Variants in FHIT observed in about 807,000 individuals in gnomAD.
FHIT encodes fragile histidine triad diadenosine triphosphatase.
In FHIT, 19 loss-of-function variants were observed where a neutral mutation model predicts 17.9. That is an observed-to-expected ratio of 1.06 (90% confidence interval 0.74 to 1.56). The LOEUF is 1.56. FHIT is among the 40% of genes most tolerant of loss of function. The probability of loss-of-function intolerance (pLI) is 0.00; values close to 1 mark genes in which losing one functional copy is unlikely to be tolerated. For missense variants in FHIT, 248 were observed against 189.2 expected (o/e 1.31, Z -1.82); for synonymous variants, 81 against 69.7 (o/e 1.16, Z -0.81).
At chr3:60,415,191 A>G (rs1230456685) in intron 5 of FHIT, among the ~76,000 whole-genome samples, 1 of 152,182 alleles carries the variant, frequency 6.6e-6, no homozygotes, top group Non-Finnish European at 1.5e-5. Context: ...TTTGATAGAG[A>G]TAATTGAAGT....
chr3:60,454,652 G>A (rs1576682739), intron 5 of FHIT, among the ~76,000 whole-genome samples: 1 of 152,030 alleles, frequency 6.6e-6, no homozygotes, highest in African/African-American at 2.4e-5. Flanking sequence ...TCAAAGTGCT[G>A]GGATTATAGG....
At chr3:60,045,818 A>T (rs1244660755) in intron 5 of FHIT, among the ~76,000 whole-genome samples, 1 of 152,152 alleles carries the variant, frequency 6.6e-6, no homozygotes, top group Non-Finnish European at 1.5e-5. Flanking sequence ...ACTGAAATGG[A>T]GAATGGATAA....
chr3:59,806,564 C>T (rs1700204371), intron 8 of FHIT, among the ~76,000 whole-genome samples: 1 of 151,964 alleles, frequency 6.6e-6, no homozygotes, highest in African/African-American at 2.4e-5. Context: ...TCCTACCATC[C>T]ACAGTCATTG....
chr3:60,591,041 C>G (rs1450508127), intron 4 of FHIT, among the ~76,000 whole-genome samples: 1 of 152,078 alleles, frequency 6.6e-6, no homozygotes, highest in Non-Finnish European at 1.5e-5. Flanking sequence ...AGTACCGTTT[C>G]TACCTGAAAT....
At chr3:60,397,888 C>G (rs866356925) in intron 5 of FHIT, among the ~76,000 whole-genome samples, 1 of 152,090 alleles carries the variant, frequency 6.6e-6, no homozygotes, top group South Asian at 2.1e-4. Flanking sequence ...CTTTGAGTAG[C>G]GTCTTTGCTT....
intron 5 of FHIT, among the ~76,000 whole-genome samples, chr3:60,399,502 T>G (rs905728705): frequency 5.3e-5 from 8 of 152,156 alleles, no homozygotes; most frequent in African/African-American, 1.9e-4. Flanking sequence ...CACACTCTAT[T>G]TTGGACTGCT....
intron 5 of FHIT, among the ~76,000 whole-genome samples, chr3:60,336,050 G>T (rs115234866): frequency 2.6e-5 from 4 of 152,266 alleles, no homozygotes; most frequent in African/African-American, 9.6e-5. Context: ...GCCTGTACAA[G>T]CAAGAAGCTG....
At chr3:60,713,909 G>C (rs868916847) in intron 4 of FHIT, among the ~76,000 whole-genome samples, 1 of 151,570 alleles carries the variant, frequency 6.6e-6, no homozygotes, top group East Asian at 2.0e-4. Context: ...TAGAAAAAGA[G>C]GGAATCCTCC....
chr3:60,165,361 C>A (rs1394200911), intron 5 of FHIT, among the ~76,000 whole-genome samples: 3 of 152,146 alleles, frequency 2.0e-5, no homozygotes, highest in Admixed American at 6.5e-5. Context: ...GCCTTCAGCG[C>A]AACTGTCATT....
At chr3:60,276,163 T>C (rs1707123090) in intron 5 of FHIT, among the ~76,000 whole-genome samples, 1 of 152,034 alleles carries the variant, frequency 6.6e-6, no homozygotes, top group South Asian at 2.1e-4. Context: ...ATTTTTTGTG[T>C]ATTTAGTAGA....
chr3:60,548,746 G>A (rs1456995513), intron 4 of FHIT, among the ~76,000 whole-genome samples: 1 of 152,182 alleles, frequency 6.6e-6, no homozygotes, highest in African/African-American at 2.4e-5. Context: ...CAGCTAGGCT[G>A]TTTGTACATT....
chr3:61,052,833 T>G (rs980538515), intron 2 of FHIT, among the ~76,000 whole-genome samples: 2 of 150,804 alleles, frequency 1.3e-5, no homozygotes, highest in Middle Eastern at 3.4e-3. Context: ...GTAATTCTTT[T>G]AGATGTTAAT....
At chr3:61,204,826 A>T (rs964290806) in intron 1 of FHIT, among the ~76,000 whole-genome samples, 7 of 152,062 alleles carry the variant, frequency 4.6e-5, no homozygotes, top group Non-Finnish European at 1.0e-4. Context: ...TTTTTTTAAA[A>T]TTTTATTATT....
At chr3:60,062,374 C>T (rs192682006) in intron 5 of FHIT, among the ~76,000 whole-genome samples, 11 of 152,234 alleles carry the variant, frequency 7.2e-5, no homozygotes, top group South Asian at 2.1e-4. Context: ...GAGTAACTGT[C>T]GTAACACTCT....
chr3:60,644,795 C>A (rs1553686302), intron 4 of FHIT, among the ~76,000 whole-genome samples: 1 of 152,162 alleles, frequency 6.6e-6, no homozygotes, highest in African/African-American at 2.4e-5. Flanking sequence ...CCCTTCTCAG[C>A]TTGGCCCTGC....
chr3:60,928,723 A>C (rs7645256), intron 3 of FHIT, among the ~76,000 whole-genome samples: 5,432 of 152,246 alleles, frequency 0.036, 319 homozygotes, highest in African/African-American at 0.12. Context: ...GGCAACAATT[A>C]ATAGCTTACC....
chr3:59,749,993 C>G, intron 9 of FHIT: 1 of 223,146 alleles, frequency 4.5e-6, no homozygotes. Context: ...GTGCACAAAA[C>G]CTTTAAAGAG....
chr3:60,126,508 A>G (rs1199973935), intron 5 of FHIT, among the ~76,000 whole-genome samples: 1 of 152,182 alleles, frequency 6.6e-6, no homozygotes, highest in African/African-American at 2.4e-5. Flanking sequence ...CGTTTATTGG[A>G]CACATATCCC....
intron 3 of FHIT, among the ~76,000 whole-genome samples, chr3:60,987,667 C>T (rs1235153634): frequency 6.6e-6 from 1 of 152,188 alleles, no homozygotes; most frequent in Non-Finnish European, 1.5e-5. Context: ...TCCTCTAGCA[C>T]TGCTGGGTTA....
Sources: gnomAD v4.1 joint callset for allele counts (sites outside exome capture counted in the v4.1 genomes callset) on GRCh38, gnomAD v4.1.1 for gene constraint, MANE v1.5 for transcripts, NCBI Gene and HGNC (gene_info 2026-07-23, HGNC 2026-07-21) for gene names.